Variants in FAT4 observed in about 807,000 individuals in gnomAD.
FAT4 encodes the protein protocadherin Fat 4.
FAT4 carries 84 observed loss-of-function variants against 303.9 expected under a neutral mutation model. That is an observed-to-expected ratio of 0.28 (90% CI 0.23 to 0.33). The LOEUF (loss-of-function observed/expected upper bound fraction) is 0.33. Ranked by LOEUF, FAT4 falls within the 10% of genes least tolerant of loss-of-function variation. The pLI is 1.00. For synonymous variants in FAT4, 2,307 were observed against 2,298.8 expected (o/e 1.00, Z -0.10); for missense variants, 6,005 against 6,146.8 (o/e 0.98, Z 0.77).
chr4:125,318,248 G>A lies in FAT4; in HGVS notation c.1837G>A (p.Gly613Ser). The A allele has an allele frequency of 1.2e-6, 2 of 1,614,202 alleles. No homozygotes were observed. The highest frequency in any genetic ancestry group is 1.7e-6 in the Non-Finnish European group (2 of 1,180,040). Residue 613 changes from glycine (G) to serine (S), a missense_variant, in exon 2 of 18, where the codon GGT (glycine) becomes AGT (serine). By Grantham distance (56) the Gly-to-Ser change is moderately conservative. Coordinates refer to ENST00000394329, the MANE Select transcript of FAT4 (RefSeq NM_001291303.3). The part of the protein sequence containing the change: ...LMLRATDGDL[G>S]DNGTVRFSLQ... Reference sequence around the variant, plus strand: ...GCTCAGGGCAACTGACGGGGACCTGGGTGACAACGGAACAGTGCGCTTCTC... The same window carrying A: ...GCTCAGGGCAACTGACGGGGACCTGAGTGACAACGGAACAGTGCGCTTCTC...
At chr4:125,356,041 CCT>C (rs1230623280) in intron 2 of FAT4, among the ~76,000 whole-genome samples, 9 of 151,858 alleles carry the variant, frequency 5.9e-5, no homozygotes, top group Admixed American at 1.3e-4. Context: ...CTAAACAGAC[CCT>C]GAGTGGAAGG....
At chr4:125,421,729 G>A (rs191291568) in intron 7 of FAT4, among the ~76,000 whole-genome samples, 2 of 152,032 alleles carry the variant, frequency 1.3e-5, no homozygotes, top group East Asian at 3.9e-4. Flanking sequence ...TGGCCAGGAG[G>A]TTTCTTGGAG....
At chr4:125,365,454 A>G (rs1732840723) in intron 2 of FAT4, among the ~76,000 whole-genome samples, 1 of 152,116 alleles carries the variant, frequency 6.6e-6, no homozygotes, top group South Asian at 2.1e-4. Context: ...CCTATATGTA[A>G]ATAAATGGTG....
At chr4:125,380,108 G>A (rs1040876683) in intron 2 of FAT4, among the ~76,000 whole-genome samples, 21 of 151,908 alleles carry the variant, frequency 1.4e-4, no homozygotes, top group Admixed American at 1.3e-3. Context: ...GGTCAGGATG[G>A]TCTCGAACTC....
At chr4:125,471,950 G>T (rs72675373) in intron 12 of FAT4, among the ~76,000 whole-genome samples, 5,387 of 143,702 alleles carry the variant, frequency 0.037, 157 homozygotes, top group African/African-American at 0.083. Context: ...AGCGGTGTGC[G>T]CCTGTAGTCC....
intron 2 of FAT4, among the ~76,000 whole-genome samples, chr4:125,340,181 A>G (rs981469085): frequency 6.6e-6 from 1 of 152,122 alleles, no homozygotes; most frequent in African/African-American, 2.4e-5. Flanking sequence ...TTTTAAATTC[A>G]AAAAATATTT....
chr4:125,365,869 G>A (rs1179087988), intron 2 of FAT4, among the ~76,000 whole-genome samples: 1 of 152,084 alleles, frequency 6.6e-6, no homozygotes, highest in African/African-American at 2.4e-5. Context: ...TCCCAACCCC[G>A]GGGCCACTGA....
chr4:125,478,877 A>G (rs1229320932), intron 14 of FAT4, among the ~76,000 whole-genome samples: 6 of 152,052 alleles, frequency 3.9e-5, no homozygotes, highest in South Asian at 2.1e-4. Flanking sequence ...TTCTTGGCTC[A>G]AAGTGCTTCA....
At chr4:125,324,782 A>T (rs1394691955) in intron 2 of FAT4, among the ~76,000 whole-genome samples, 1 of 152,158 alleles carries the variant, frequency 6.6e-6, no homozygotes, top group South Asian at 2.1e-4. Context: ...TTGTGTAAGC[A>T]TGTCTTGTCT....
At chr4:125,458,463 A>C (rs1312256616) in intron 10 of FAT4, among the ~76,000 whole-genome samples, 1 of 151,932 alleles carries the variant, frequency 6.6e-6, no homozygotes, top group East Asian at 1.9e-4. Flanking sequence ...CATATAATAT[A>C]AAAGAAATTT....
chr4:125,389,816 T>C (rs971077744), intron 2 of FAT4, among the ~76,000 whole-genome samples: 3 of 152,218 alleles, frequency 2.0e-5, no homozygotes, highest in African/African-American at 7.2e-5. Flanking sequence ...CTTAAAACCT[T>C]GTTCATAGAG....
chr4:125,361,025 A>T (rs1732645871), intron 2 of FAT4, among the ~76,000 whole-genome samples: 1 of 146,292 alleles, frequency 6.8e-6, no homozygotes, highest in South Asian at 2.1e-4. Flanking sequence ...TATTTATTAA[A>T]TGAGTGCACT....
chr4:125,412,592 T>G (rs1734887871), intron 5 of FAT4, among the ~76,000 whole-genome samples: 1 of 151,930 alleles, frequency 6.6e-6, no homozygotes, highest in Admixed American at 6.6e-5. Context: ...GCTGTTCTGC[T>G]GTTTACAACA....
At chr4:125,480,841 T>C (rs1727199155) in intron 15 of FAT4, among the ~76,000 whole-genome samples, 1 of 152,116 alleles carries the variant, frequency 6.6e-6, no homozygotes, top group Non-Finnish European at 1.5e-5. Context: ...ATAACTCACA[T>C]ACTATAAAAT....
At position 125,415,656 on chromosome 4, in the gene FAT4, A is replaced by G. The variant is rs1210919935; in HGVS notation, c.6693A>G (p.Ala2231=). 1 of 1,613,920 alleles carries G rather than the reference A, an allele frequency of 6.2e-7. No individual in the cohort carries two copies. Among genetic ancestry groups the G allele is most frequent in the Non-Finnish European group, 8.5e-7 (1 of 1,179,970 alleles). The change falls in exon 6 of 18, where the codon GCA becomes GCG. Residue 2231 remains alanine (A), a synonymous_variant. Transcript: ENST00000394329. ...KTPTYHLTVQ[A]TDRGSTPRTD... is the part of the protein sequence containing the mutation. The stretch of plus-strand genomic sequence containing the variant: ...CTACCTACCATTTAACTGTTCAGGC[A>G]ACAGATCGAGGCAGCACACCCAGAA...
At chr4:125,398,992 C>T (rs1734285554) in intron 3 of FAT4, 77 bp downstream of exon 3, 1 of 1,333,336 alleles carries the variant, frequency 7.5e-7, no homozygotes, top group Non-Finnish European at 1.1e-6. Flanking sequence ...ATGTTGACTA[C>T]TTTTATTACC....
intron 2 of FAT4, among the ~76,000 whole-genome samples, chr4:125,323,905 C>T (rs1230379367): frequency 6.6e-6 from 1 of 152,184 alleles, no homozygotes; most frequent in Non-Finnish European, 1.5e-5. Context: ...TCATGCTGAT[C>T]ACATTCCATG....
At chr4:125,409,018 A>G (rs1329934255) in intron 5 of FAT4, among the ~76,000 whole-genome samples, 2 of 152,152 alleles carry the variant, frequency 1.3e-5, no homozygotes, top group Non-Finnish European at 2.9e-5. Flanking sequence ...ATTGTTTTAT[A>G]AACTTTATCT....
At chr4:125,447,790 C>G (rs925679836) in intron 9 of FAT4, among the ~76,000 whole-genome samples, 6 of 152,022 alleles carry the variant, frequency 3.9e-5, no homozygotes, top group Non-Finnish European at 8.8e-5. Context: ...CTTTTGGAGT[C>G]CAAGTTGAGT....
Sources: allele counts gnomAD v4.1 joint callset (sites outside exome capture counted in the v4.1 genomes callset), GRCh38; gene constraint gnomAD v4.1.1; transcripts MANE v1.5; gene names NCBI Gene and HGNC (gene_info 2026-07-23, HGNC 2026-07-21).